Variants in S100PBP observed in about 807,000 individuals in gnomAD.
S100PBP encodes S100P binding protein.
Under a neutral mutation model 39.9 loss-of-function variants are expected in S100PBP, and 15 were observed. The observed-to-expected ratio is 0.38, with a 90% confidence interval of 0.25 to 0.58. The LOEUF (loss-of-function observed/expected upper bound fraction) is 0.58, where lower values mean the gene tolerates loss of function less well. Ranked by LOEUF, S100PBP falls within the 20% of genes least tolerant of loss-of-function variation. The probability of loss-of-function intolerance (pLI) is 0.70; values close to 1 mark genes in which losing one functional copy is unlikely to be tolerated. For missense variants in S100PBP, 504 were observed against 487.3 expected, an observed-to-expected ratio of 1.03 and a Z score of -0.32; for synonymous variants, 178 against 180.3, an observed-to-expected ratio of 0.99 and a Z score of 0.10.
rs922887705 is a variant in S100PBP at position 32,822,620 on chromosome 1, CAAAAAAAAA to C, written c.-119-2682_-119-2674del. On this transcript the variant is annotated intron_variant, in intron 1 of 6. Transcript: ENST00000373475. Reference sequence around the variant, plus strand: ...TGGGCTACAGAGCTAGACTCCGTTTCAAAAAAAAAAAAAAAAAAAGAGGAAGTAACATCA... The same window carrying C: ...TGGGCTACAGAGCTAGACTCCGTTTCAAAAAAAAAAGAGGAAGTAACATCA... Among the ~76,000 whole-genome samples, 33 of 77,748 alleles carry C rather than the reference CAAAAAAAAA, an allele frequency of 4.2e-4. 1 individual carries two copies. Among genetic ancestry groups the C allele is most frequent in the African/African-American group, 1.4e-3 (30 of 21,320 alleles). The allele number at this position is 77,748 out of a possible 152,430, so 51.0% of individuals were successfully genotyped here.
At chr1:32,838,396 C>T (rs978427886) in intron 5 of S100PBP, among the ~76,000 whole-genome samples, 6 of 151,552 alleles carry the variant, frequency 4.0e-5, no homozygotes, top group Non-Finnish European at 5.9e-5. Context: ...GTAGTTGTAC[C>T]GTTTTTCATT....
rs1472922315 is a variant in S100PBP, at chr1:32,856,060, T to C, written c.*22T>C. On this transcript the variant is annotated 3_prime_UTR_variant, in exon 7 of 7. Transcript: ENST00000373475. ...TTAATTTGTGTCATCCCATCAGCAA[T>C]GAAGGTCCCTATCCAGGGTCCTGCT... The C allele has an allele frequency of 6.7e-7, 1 of 1,481,562 alleles. No individual in the cohort carries two copies. The highest frequency in any genetic ancestry group is 9.4e-7 in the Non-Finnish European group (1 of 1,060,152). 91.8% of individuals were successfully genotyped at this position (1,481,562 alleles called of 1,614,324 possible). A position where few individuals can be genotyped will look rare whatever the true frequency, so the allele number is the denominator to read the frequency against.
At chr1:32,816,923 G>T, upstream of S100PBP, 1 of 592,246 alleles carries the variant, frequency 1.7e-6, no homozygotes, top group South Asian at 2.0e-5. Context: ...TAATAGGGGG[G>T]TGGAATGGGA....
chr1:32,854,927 T>TA (rs1350232507), intron 6 of S100PBP, among the ~76,000 whole-genome samples: 5 of 152,190 alleles, frequency 3.3e-5, no homozygotes, highest in African/African-American at 1.2e-4. Context: ...CAGTTCTGCT[T>TA]ACTCTACTCT....
rs79708363 is a variant in S100PBP at position 32,826,413 on chromosome 1, G to T, written c.314G>T (p.Gly105Val). The part of the protein sequence containing the change: ...PREKNSSYSL[G>V]PVAETPDLFK... ...GAGAAAAATTCATCGTACAGCCTGGGACCAGTAGCTGAGACTCCTGACCTC... is the reference window on the plus strand; with the variant it reads ...GAGAAAAATTCATCGTACAGCCTGGTACCAGTAGCTGAGACTCCTGACCTC... The change falls in exon 3 of 7, where the codon GGA becomes GTA. Residue 105 changes from glycine to valine, a missense_variant. Transcript: ENST00000373475. 1 of 1,613,986 alleles carries T rather than the reference G, an allele frequency of 6.2e-7. No individual in the cohort carries two copies. Among genetic ancestry groups the T allele is most frequent in the Non-Finnish European group, 8.5e-7 (1 of 1,180,016 alleles).
intron 5 of S100PBP, 77 bp from the exon 6 acceptor site, chr1:32,853,002 C>T (rs1378458469): frequency 3.1e-6 from 3 of 977,318 alleles, no homozygotes; most frequent in Non-Finnish European, 4.9e-6. Context: ...TTTCTCTTTC[C>T]CTGAAAACAC....
chr1:32,834,076 C>T, intron 5 of S100PBP: 1 of 297,762 alleles, frequency 3.4e-6, no homozygotes, highest in Non-Finnish European at 7.1e-6. Context: ...AGTATATAAA[C>T]ATTTAAAAAA....
intron 5 of S100PBP, chr1:32,847,872 A>G (rs2148686763): frequency 6.6e-6 from 1 of 152,170 alleles, no homozygotes; most frequent in African/African-American, 2.4e-5. Flanking sequence ...AGTACTTTAC[A>G]TTGCATGGAA....
chr1:32,823,361 A>G (rs1037399909), intron 1 of S100PBP, among the ~76,000 whole-genome samples: 1 of 152,252 alleles, frequency 6.6e-6, no homozygotes, highest in African/African-American at 2.4e-5. Flanking sequence ...TGAATAACTC[A>G]GTCACTAATG....
intron 5 of S100PBP, chr1:32,846,668 T>C (rs970617667): frequency 6.6e-6 from 1 of 152,062 alleles, no homozygotes; most frequent in African/African-American, 2.4e-5. Context: ...TGCAGTAACA[T>C]GATTATAGCT....
intron 6 of S100PBP, among the ~76,000 whole-genome samples, chr1:32,854,682 T>C (rs760882751): frequency 7.2e-5 from 11 of 152,208 alleles, no homozygotes; most frequent in Non-Finnish European, 1.3e-4. Flanking sequence ...ATTTGCTCAA[T>C]ATTTCCCAGT....
At chr1:32,817,157 C>G (rs752535697), upstream of S100PBP, 126 of 1,613,648 alleles carry the variant, frequency 7.8e-5, no homozygotes, top group Non-Finnish European at 1.2e-5. Flanking sequence ...TCCTAATCCC[C>G]AACGGCGCAT....
chr1:32,840,673 A>T (rs957437195), intron 5 of S100PBP, among the ~76,000 whole-genome samples: 1 of 151,982 alleles, frequency 6.6e-6, no homozygotes, highest in Non-Finnish European at 1.5e-5. Context: ...CTATTTTTCA[A>T]TGGGAGTCAT....
chr1:32,856,077 G>A lies in S100PBP; in HGVS notation c.*39G>A. 1 of 1,303,642 alleles carries A rather than the reference G, an allele frequency of 7.7e-7. No homozygotes were observed. Among genetic ancestry groups the A allele is most frequent in the Middle Eastern group, 1.8e-4 (1 of 5,456 alleles). 80.8% of individuals were successfully genotyped at this position (1,303,642 alleles called of 1,614,324 possible). The stretch of plus-strand genomic sequence containing the variant: ...ATCAGCAATGAAGGTCCCTATCCAG[G>A]GTCCTGCTTGGAGCAGCATTTCATG... On this transcript the variant is annotated 3_prime_UTR_variant, in exon 7 of 7. Transcript: ENST00000373475.
At chr1:32,827,173 T>A (rs1360204690) in intron 3 of S100PBP, among the ~76,000 whole-genome samples, 1 of 152,210 alleles carries the variant, frequency 6.6e-6, no homozygotes, top group Non-Finnish European at 1.5e-5. Flanking sequence ...TTCCCCACAT[T>A]TCTTATCTAA....
intron 5 of S100PBP, among the ~76,000 whole-genome samples, chr1:32,851,624 C>G (rs7536781): frequency 0.048 from 7,288 of 152,118 alleles, 228 homozygotes; most frequent in Middle Eastern, 0.085. Context: ...CGAGATCACA[C>G]CACTGCACTC....
chr1:32,849,099 G>A (rs4951774), intron 5 of S100PBP, among the ~76,000 whole-genome samples: 100,878 of 152,006 alleles, frequency 0.66, 33,832 homozygotes, highest in East Asian at 0.79. Flanking sequence ...TTGAATCCTG[G>A]CTTTCCTGAT....
chr1:32,848,327 G>T (rs1006718012), intron 5 of S100PBP, among the ~76,000 whole-genome samples: 1 of 152,014 alleles, frequency 6.6e-6, no homozygotes, highest in African/African-American at 2.4e-5. Flanking sequence ...AAAGAAAAAA[G>T]AAATGAGTGC....
intron 5 of S100PBP, among the ~76,000 whole-genome samples, chr1:32,849,942 A>G (rs1640543282): frequency 6.6e-6 from 1 of 152,188 alleles, no homozygotes; most frequent in Admixed American, 6.5e-5. Flanking sequence ...AGAATAAATG[A>G]GTTGATATAT....
Sources: gnomAD v4.1 joint callset for allele counts (sites outside exome capture counted in the v4.1 genomes callset) on GRCh38, gnomAD v4.1.1 for gene constraint, MANE v1.5 for transcripts, NCBI Gene and HGNC (gene_info 2026-07-23, HGNC 2026-07-21) for gene names.